ANKLE1: variants seen among roughly 807,000 people sequenced by gnomAD.
The protein encoded by ANKLE1 is ankyrin repeat and LEM domain containing 1, also known as structure-specific endonuclease ANKLE1.
A neutral mutation model predicts 56.2 loss-of-function variants in ANKLE1; 59 were observed. The ratio of observed to expected loss-of-function variants is 1.05; its 90% CI spans 0.85 to 1.30. The LOEUF (loss-of-function observed/expected upper bound fraction) is 1.30. ANKLE1 is among the 50% of genes most tolerant of loss of function. The pLI, the probability that ANKLE1 is intolerant of heterozygous loss-of-function variation, is 0.00. For synonymous variants in ANKLE1, 341 were observed against 352.9 expected, an observed-to-expected ratio of 0.97 and a Z score of 0.38; for missense variants, 771 against 816.1, an observed-to-expected ratio of 0.94 and a Z score of 0.67.
At position 17,287,384 on chromosome 19, in the gene ANKLE1, TTGTAC is replaced by T. The variant is rs2074046241; in HGVS notation, c.*833_*837del. 1.3e-5 allele frequency: 2 copies of T among 151,712 alleles called. No homozygotes were observed. Among genetic ancestry groups the T allele is most frequent in the African/African-American group, 4.9e-5 (2 of 41,170 alleles). 9.4% of individuals were successfully genotyped at this position (151,712 alleles called of 1,614,324 possible). A position where few individuals can be genotyped will look rare whatever the true frequency, so the allele number is the denominator to read the frequency against. On this transcript the variant is annotated 3_prime_UTR_variant, in exon 9 of 9. Coordinates refer to ENST00000404085, the MANE Select transcript of ANKLE1 (RefSeq NM_152363.6). The stretch of plus-strand genomic sequence containing the variant: ...AGGTGGAGGTTGCAGTGAGCTGAGA[TTGTAC>T]CATTGCACTCCAGCCTGGGCAACAG...
At position 17,284,134 on chromosome 19, in the gene ANKLE1, G is replaced by A. The variant is rs767186144; in HGVS notation, c.1244G>A (p.Arg415Gln). ...AGCCTAGAACTGGCTGCAGCCCTGC[G>A]GACGGGCTGTATTCCAGATGTCCAG... ...GHSLELAAAL[R>Q]TGCIPDVQAD... Residue 415 changes from arginine to glutamine, a missense_variant, in exon 6 of 9, where the codon CGG becomes CAG. Physicochemically the swap from Arg to Gln is conservative, Grantham distance 43. Coordinates refer to ENST00000404085, the MANE Select transcript of ANKLE1 (RefSeq NM_152363.6). 3.0e-5 allele frequency: 49 copies of A among 1,613,778 alleles called. No individual in the cohort carries two copies. The highest frequency in any genetic ancestry group is 8.8e-5 in the South Asian group (8 of 91,076).
rs2145642708 is a variant in ANKLE1 at position 17,286,546 on chromosome 19, G to A, written c.1842G>A (p.Arg614=). The change falls in exon 9 of 9, where the codon CGG becomes CGA. Residue 614 remains arginine (R), a synonymous_variant. Coordinates refer to ENST00000404085, the MANE Select transcript of ANKLE1 (RefSeq NM_152363.6). Reference sequence around the variant, plus strand: ...TTCATCCCCAGGACATCCAGGCCCGGGGCTGAGTGCTGGGGAGTTGGCCAT... The same window carrying A: ...TTCATCCCCAGGACATCCAGGCCCGAGGCTGAGTGCTGGGGAGTTGGCCAT... ...RQLHPQDIQA[R]G is the part of the protein sequence containing the mutation. The A allele has an allele frequency of 5.0e-6, 8 of 1,604,496 alleles. No individual in the cohort carries two copies. The African/African-American group carries it at 5.3e-5, about 11-fold the overall frequency.
rs141599824 is a variant in ANKLE1, at chr19:17,285,454, G to A, written c.1400G>A (p.Arg467Gln). 117 of 1,613,720 alleles carry A rather than the reference G, an allele frequency of 7.3e-5. No homozygotes were observed. Among genetic ancestry groups the A allele is most frequent in the South Asian group, 4.7e-4 (43 of 91,084 alleles). ...AGGGAGACTCAGGACCTGCCAGCCC[G>A]AGCCTTCTCACTGACCCCAGCTGAG... ...DPRETQDLPARAFSLTPAERL... is the reference protein window; with the variant it reads ...DPRETQDLPAQAFSLTPAERL... Residue 467 changes from arginine to glutamine, a missense_variant, in exon 7 of 9, where the codon CGA (arginine) becomes CAA (glutamine). Physicochemically the swap from Arg to Gln is conservative, Grantham distance 43. Transcript: ENST00000404085.
rs189070227 is a variant in ANKLE1, at chr19:17,285,604, G to A, written c.1536+14G>A. 1.2e-4 allele frequency: 195 copies of A among 1,613,960 alleles called. 1 individual carries two copies. The East Asian group carries it at 3.7e-3, about 30-fold the overall frequency. ...TCAAGAAAACAGGTGTGAGGACAGG[G>A]ATCAGGGTTCAGCGAGGGCAGTCGG... On this transcript the variant is annotated intron_variant, in intron 7 of 8. Transcript: ENST00000404085.
chr19:17,283,863 C>T lies in ANKLE1; in HGVS notation c.1099C>T (p.Leu367=), dbSNP rs775665193. The part of the protein sequence containing the change: ...PVSTVSDLEL[L]KGLRALGENP... The stretch of plus-strand genomic sequence containing the variant: ...CTCCACTGTGTCTGACTTGGAGTTG[C>T]TGAAGGGACTCCGAGCACTTGGTGA... The change falls in exon 5 of 9, where the codon CTG becomes TTG. Residue 367 remains leucine, a synonymous_variant. Coordinates refer to ENST00000404085, the MANE Select transcript of ANKLE1 (RefSeq NM_152363.6). The T allele has an allele frequency of 6.2e-7, 1 of 1,613,716 alleles. No homozygotes were observed. Among genetic ancestry groups the T allele is most frequent in the Admixed American group, 1.7e-5 (1 of 60,024 alleles).
chr19:17,282,138 C>G lies in ANKLE1; in HGVS notation c.144C>G (p.Ala48=), dbSNP rs2073979874. 1 of 1,539,106 alleles carries G rather than the reference C, an allele frequency of 6.5e-7. No individual in the cohort carries two copies. The highest frequency in any genetic ancestry group is 1.4e-5 in the African/African-American group (1 of 72,916). ...GCGCAGCGGCTGTGCACTTGGCGGCCGGAGCCCGGCACCCGCGCGGCCTGC... is the reference window on the plus strand; with the variant it reads ...GCGCAGCGGCTGTGCACTTGGCGGCGGGAGCCCGGCACCCGCGCGGCCTGC... ...EDGAAAVHLA[A]GARHPRGLRC... is the part of the protein sequence containing the mutation. Residue 48 remains alanine (A), a synonymous_variant, in exon 2 of 9, where the codon GCC becomes GCG. Coordinates refer to ENST00000404085, the MANE Select transcript of ANKLE1 (RefSeq NM_152363.6).
In ANKLE1 at chr19:17,282,667, C is replaced by A. The variant is rs767269720; in HGVS notation, c.227C>A (p.Ala76Glu). The change falls in exon 3 of 9, where the codon GCA (alanine) becomes GAA (glutamate). Residue 76 changes from alanine to glutamate, a missense_variant. Ala to Glu is a moderately radical substitution (Grantham distance 107). Coordinates refer to ENST00000404085, the MANE Select transcript of ANKLE1 (RefSeq NM_152363.6). Reference protein sequence around the residue: ...GGDPNARSVEALTPLHVAAAW... With the variant: ...GGDPNARSVEELTPLHVAAAW... ...CGCTGCCGCCCCAGATCTGTCGAGG[C>A]ACTGACGCCGCTGCATGTGGCCGCC... 90 of 1,534,328 alleles carry A rather than the reference C, an allele frequency of 5.9e-5. No homozygotes were observed. Among genetic ancestry groups the A allele is most frequent in the Non-Finnish European group, 7.8e-5 (89 of 1,146,608 alleles).
At position 17,281,979 on chromosome 19, in the gene ANKLE1, C is replaced by T. The variant is rs2073977441; in HGVS notation, c.59C>T (p.Pro20Leu). 2.6e-6 allele frequency: 4 copies of T among 1,533,908 alleles called. No homozygotes were observed. In the South Asian group the frequency reaches 3.6e-5, roughly 14 times the overall value. ...RLRDALREEE[P>L]WAVEELLRCG... ...CGGGATGCGCTGCGGGAGGAGGAGC[C>T]GTGGTGAGGGCGGGGCCGGGGGCGG... The change falls in exon 1 of 9, where the codon CCG (proline) becomes CTG (leucine). Residue 20 changes from proline to leucine, a missense_variant. By Grantham distance (98) the Pro-to-Leu change is moderately conservative. Transcript: ENST00000404085.
rs1181413311 is a variant in ANKLE1 at position 17,286,382 on chromosome 19, A to T, written c.1678A>T (p.Ile560Phe). The T allele has an allele frequency of 1.3e-6, 2 of 1,561,830 alleles. No homozygotes were observed. Among genetic ancestry groups the T allele is most frequent in the African/African-American group, 1.4e-5 (1 of 73,872 alleles). The change falls in exon 9 of 9, where the codon ATC (isoleucine) becomes TTC (phenylalanine). Residue 560 changes from isoleucine (I) to phenylalanine (F), a missense_variant and splice_region_variant. By Grantham distance (21) the Ile-to-Phe change is conservative (BLOSUM62 0). Transcript: ENST00000404085. ...GACCCCACATCCAATTTCTCCAGGG[A>T]TCCAGACGCTCACCAACCAGAAGCA... Reference protein sequence around the residue: ...REACIVEALGIQTLTNQKQGH... With the variant: ...REACIVEALGFQTLTNQKQGH...
rs760488426 is a variant in ANKLE1 at position 17,283,814 on chromosome 19, C to T, written c.1050C>T (p.Val350=). The T allele has an allele frequency of 5.1e-5, 83 of 1,613,128 alleles. No homozygotes were observed. The highest frequency in any genetic ancestry group is 4.7e-4 in the Admixed American group (28 of 60,010). The change falls in exon 5 of 9, where the codon GTC becomes GTT. Residue 350 remains valine, a synonymous_variant. Transcript: ENST00000404085. The stretch of plus-strand genomic sequence containing the variant: ...GCTCTACAGGTGGCAGGGAACCTGT[C>T]GGCCCTTGCCGGCACCTGCCAGTCT... ...EASSTGGREP[V]GPCRHLPVST...
At position 17,284,247 on chromosome 19, in the gene ANKLE1, T is replaced by C. The variant is rs765680818; in HGVS notation, c.1357T>C (p.Tyr453His). Residue 453 changes from tyrosine (Y) to histidine (H), a missense_variant, in exon 6 of 9, where the codon TAT becomes CAT. Transcript: ENST00000404085. ...GGGGGTCGTGAAGTCTAGCTTCACCTATCTGCTGCTGGACCCCAGGTACTC... is the reference window on the plus strand; with the variant it reads ...GGGGGTCGTGAAGTCTAGCTTCACCCATCTGCTGCTGGACCCCAGGTACTC... The part of the protein sequence containing the change: ...REGVVKSSFT[Y>H]LLLDPRETQD... The C allele has an allele frequency of 4.0e-5, 65 of 1,613,572 alleles. No individual in the cohort carries two copies. Among genetic ancestry groups the C allele is most frequent in the Non-Finnish European group, 4.8e-5 (57 of 1,179,816 alleles).
In ANKLE1 at chr19:17,283,961, T is replaced by G. The variant is rs201075128; in HGVS notation, c.1197T>G (p.Pro399=). The part of the protein sequence containing the change: ...HQQLEEAQIA[P]GPEFSGHSLE... ...AGCTGGAAGAAGCCCAGATTGCTCC[T>G]GGTTAGTCTTCCCAGGGCACATGGA... The change falls in exon 5 of 9, where the codon CCT becomes CCG. Residue 399 remains proline, a splice_region_variant and synonymous_variant. Coordinates refer to ENST00000404085, the MANE Select transcript of ANKLE1 (RefSeq NM_152363.6). 180 of 1,601,164 alleles carry G rather than the reference T, an allele frequency of 1.1e-4. No individual in the cohort carries two copies. The highest frequency in any genetic ancestry group is 1.4e-4 in the Non-Finnish European group (164 of 1,171,724).
rs367790419 is a variant in ANKLE1 at position 17,286,335 on chromosome 19, G to A, written c.1676-45G>A. 631 of 1,516,812 alleles carry A rather than the reference G, an allele frequency of 4.2e-4. 1 individual carries two copies. The Middle Eastern group carries it at 4.2e-3, about 10-fold the overall frequency. The allele number at this position is 1,516,812 out of a possible 1,614,324, so 94.0% of individuals were successfully genotyped here. On this transcript the variant is annotated intron_variant, in intron 8 of 8. Coordinates refer to ENST00000404085, the MANE Select transcript of ANKLE1 (RefSeq NM_152363.6). ...TCACACACTTCTGCTGGATGGGGAG[G>A]TGTCCCCATGGCTGCCCCTGTGACC...
intron 6 of ANKLE1, 50 bp from the exon 7 acceptor site, chr19:17,285,380 TG>T (rs921441955): frequency 3.4e-5 from 55 of 1,607,878 alleles, no homozygotes; most frequent in Admixed American, 6.7e-5. Context: ...GGACTGCCTC[TG>T]GGGACCACTG....
rs548462288 is a variant in ANKLE1, at chr19:17,282,057, G to A, written c.63G>A (p.Trp21Ter). 1.2e-5 allele frequency: 19 copies of A among 1,538,724 alleles called. No individual in the cohort carries two copies. In the African/African-American group the frequency reaches 2.2e-4, roughly 18 times the overall value. Residue 21 changes from tryptophan (W) to a stop codon, truncating the protein, a stop_gained and splice_region_variant, in exon 2 of 9, where the codon TGG becomes TGA. Transcript: ENST00000404085. LOFTEE classifies it high-confidence loss of function. Reference sequence around the variant, plus strand: ...TCCACTCTGACCGCGGTGTTTGCAGGGCAGTAGAGGAGCTGCTGCGCTGCG... The same window carrying A: ...TCCACTCTGACCGCGGTGTTTGCAGAGCAGTAGAGGAGCTGCTGCGCTGCG... ...LRDALREEEPWAVEELLRCGA... is the reference protein window; with the variant it reads ...LRDALREEEP
Position 17,282,093 on chromosome 19 carries a change from T to C in ANKLE1, c.99T>C (p.Pro33=). Residue 33 remains proline (P), a synonymous_variant, in exon 2 of 9, where the codon CCT becomes CCC. Transcript: ENST00000404085. ...VEELLRCGAD[P]NLVLEDGAAA... is the part of the protein sequence containing the mutation. Reference sequence around the variant, plus strand: ...AGCTGCTGCGCTGCGGCGCGGACCCTAATTTGGTGCTAGAGGACGGCGCAG... The same window carrying C: ...AGCTGCTGCGCTGCGGCGCGGACCCCAATTTGGTGCTAGAGGACGGCGCAG... 1 of 1,541,134 alleles carries C rather than the reference T, an allele frequency of 6.5e-7. No homozygotes were observed. The highest frequency in any genetic ancestry group is 1.4e-5 in the African/African-American group (1 of 73,122).
Position 17,282,648 on chromosome 19 carries a change from C to T in ANKLE1, c.216-8C>T, listed in dbSNP as rs1322293492. The T allele has an allele frequency of 6.5e-7, 1 of 1,533,832 alleles. No homozygotes were observed. The highest frequency in any genetic ancestry group is 8.7e-7 in the Non-Finnish European group (1 of 1,146,350). On this transcript the variant is annotated splice_polypyrimidine_tract_variant and splice_region_variant and intron_variant, in intron 2 of 8. Coordinates refer to ENST00000404085, the MANE Select transcript of ANKLE1 (RefSeq NM_152363.6). The stretch of plus-strand genomic sequence containing the variant: ...TCCGCAATGACCCCTCTTGCGCTGC[C>T]GCCCCAGATCTGTCGAGGCACTGAC...
At position 17,283,970 on chromosome 19, in the gene ANKLE1, T is replaced by C. The variant is rs780675948; in HGVS notation, c.1198+8T>C. The C allele has an allele frequency of 6.3e-7, 1 of 1,596,398 alleles. No individual in the cohort carries two copies. Among genetic ancestry groups the C allele is most frequent in the Non-Finnish European group, 8.6e-7 (1 of 1,168,736 alleles). Reference sequence around the variant, plus strand: ...AAGCCCAGATTGCTCCTGGTTAGTCTTCCCAGGGCACATGGAGTCCAGGGA... The same window carrying C: ...AAGCCCAGATTGCTCCTGGTTAGTCCTCCCAGGGCACATGGAGTCCAGGGA... On this transcript the variant is annotated splice_region_variant and intron_variant, in intron 5 of 8. Coordinates refer to ENST00000404085, the MANE Select transcript of ANKLE1 (RefSeq NM_152363.6).
In ANKLE1 at chr19:17,282,893, G is replaced by T; in HGVS notation, c.351G>T (p.Leu117=). 1 of 1,579,210 alleles carries T rather than the reference G, an allele frequency of 6.3e-7. No homozygotes were observed. The change falls in exon 4 of 9, where the codon CTG becomes CTT. Residue 117 remains leucine, a synonymous_variant. Transcript: ENST00000404085. ...QDGLRPLDLA[L]QQGHLECARV... ...GACTCCGGCCGCTGGACCTGGCCCTGCAGCAGGGACACCTGGAGTGCGCGC... is the reference window on the plus strand; with the variant it reads ...GACTCCGGCCGCTGGACCTGGCCCTTCAGCAGGGACACCTGGAGTGCGCGC...
Sources: gnomAD v4.1 joint callset for allele counts on GRCh38, gnomAD v4.1.1 for gene constraint, MANE v1.5 for transcripts, NCBI Gene and HGNC (gene_info 2026-07-23, HGNC 2026-07-21) for gene names.